The following CSMD3 variants were observed in gnomAD, a reference collection of about 807,000 sequenced individuals.
CSMD3 encodes the protein CUB and sushi domain-containing protein 3.
CSMD3 carries 177 observed loss-of-function variants against 435.2 expected under a neutral mutation model. That is an observed-to-expected ratio of 0.41 (90% CI 0.36 to 0.46). The LOEUF is 0.46. Among genes scored for constraint, CSMD3 ranks in the 20% least tolerant of loss-of-function variants. The pLI is 0.34. For missense variants in CSMD3, 4,265 were observed against 4,504.6 expected, an observed-to-expected ratio of 0.95 and a Z score of 1.52; for synonymous variants, 1,656 against 1,520.5, an observed-to-expected ratio of 1.09 and a Z score of -2.07.
chr8:112,539,430 A>C (rs1348223140), intron 27 of CSMD3: 1 of 152,114 alleles, frequency 6.6e-6, no homozygotes, highest in African/African-American at 2.4e-5. Flanking sequence ...AAATTCCTAT[A>C]GGATCAGAAA....
chr8:112,504,948 A>G (rs1455642135), intron 29 of CSMD3, among the ~76,000 whole-genome samples: 1 of 152,160 alleles, frequency 6.6e-6, no homozygotes, highest in Non-Finnish European at 1.5e-5. Context: ...TCAGTAGAAA[A>G]ACTATTTTGG....
At chr8:112,381,695 A>G (rs922779673) in intron 37 of CSMD3, among the ~76,000 whole-genome samples, 4 of 152,210 alleles carry the variant, frequency 2.6e-5, no homozygotes, top group African/African-American at 9.6e-5. Context: ...GACAGGGATA[A>G]ACAGAAACTT....
At position 113,159,568 on chromosome 8, in the gene CSMD3, G is replaced by A. The variant is rs150233223; in HGVS notation, c.709+14154C>T. Reference sequence around the variant, plus strand: ...CAACTAAGTTTGTCAGGTTATTACCGTGTGACCTCATATATTCTGATAAGC... The same window carrying A: ...CAACTAAGTTTGTCAGGTTATTACCATGTGACCTCATATATTCTGATAAGC... On this transcript the variant is annotated intron_variant, in intron 4 of 70. Transcript: ENST00000297405. Among the ~76,000 whole-genome samples, 891 of 151,906 alleles carry A rather than the reference G, an allele frequency of 5.9e-3. 9 individuals are homozygous for A. The highest frequency in any genetic ancestry group is 0.019 in the African/African-American group (790 of 41,484).
intron 60 of CSMD3, 48 bp downstream of exon 60, chr8:112,265,363 A>G: frequency 7.1e-7 from 1 of 1,404,152 alleles, no homozygotes; most frequent in South Asian, 1.2e-5. Context: ...AAATAAGAAA[A>G]TATGTACTGG....
At chr8:113,264,974 G>C (rs118100628) in intron 3 of CSMD3, among the ~76,000 whole-genome samples, 4,220 of 151,754 alleles carry the variant, frequency 0.028, 85 homozygotes, top group Non-Finnish European at 0.039. Flanking sequence ...TGAGGAATAT[G>C]TTGAAACCAG....
At chr8:112,724,570 ATTAAG>A (rs557784486) in intron 13 of CSMD3, among the ~76,000 whole-genome samples, 44 of 152,232 alleles carry the variant, frequency 2.9e-4, no homozygotes, top group African/African-American at 1.0e-3. Context: ...TAAAAAATCA[ATTAAG>A]TTAAGTATTC....
rs116171803 is a variant in CSMD3, at chr8:112,388,814, G to A, written c.5934+1850C>T. The stretch of plus-strand genomic sequence containing the variant: ...ACATCTCTAACACATAAAAGTAGCT[G>A]AAGCCATGGAATTAGACAAGGTCCC... On this transcript the variant is annotated intron_variant, in intron 36 of 70. Coordinates refer to ENST00000297405, the MANE Select transcript of CSMD3 (RefSeq NM_198123.2). Among the ~76,000 whole-genome samples, 758 of 152,218 alleles carry A rather than the reference G, an allele frequency of 5.0e-3. 7 individuals carry two copies. The highest frequency in any genetic ancestry group is 0.017 in the African/African-American group (716 of 41,538).
chr8:113,314,366 C>A (rs1324230541), intron 2 of CSMD3: 3 of 558,300 alleles, frequency 5.4e-6, no homozygotes, highest in Non-Finnish European at 9.6e-6. Context: ...CTTTGTGAGA[C>A]ATAGTATTAA....
chr8:112,704,207 C>T (rs894729794), intron 13 of CSMD3, among the ~76,000 whole-genome samples: 1 of 151,714 alleles, frequency 6.6e-6, no homozygotes. Context: ...TTTCGAACTC[C>T]TGACCTCAAT....
intron 2 of CSMD3, among the ~76,000 whole-genome samples, chr8:113,301,063 T>C (rs1048515126): frequency 6.7e-6 from 1 of 148,450 alleles, no homozygotes; most frequent in African/African-American, 2.6e-5. Context: ...GGGATGTTCA[T>C]GTATGATTCA....
At chr8:112,321,874 T>A (rs550090822) in intron 45 of CSMD3, among the ~76,000 whole-genome samples, 1 of 152,234 alleles carries the variant, frequency 6.6e-6, no homozygotes. Flanking sequence ...ATCCAGATTT[T>A]TGATAAAATG....
rs1210600945 is a variant in CSMD3, at chr8:112,666,218, A to AT, written c.2816+58dup. On this transcript the variant is annotated intron_variant, in intron 17 of 70. Coordinates refer to ENST00000297405, the MANE Select transcript of CSMD3 (RefSeq NM_198123.2). The stretch of plus-strand genomic sequence containing the variant: ...ATTCATTTGGTAAATGCAAAAGAGA[A>AT]TGTCAACTAATCTTTTAGATAATAT... The AT allele has an allele frequency of 1.1e-5, 14 of 1,281,832 alleles. No homozygotes were observed. In the Admixed American group the frequency reaches 2.3e-4, roughly 21 times the overall value. 79.4% of individuals were successfully genotyped at this position (1,281,832 alleles called of 1,614,324 possible). A position where few individuals can be genotyped will look rare whatever the true frequency, so the allele number is the denominator to read the frequency against.
intron 13 of CSMD3, among the ~76,000 whole-genome samples, chr8:112,734,962 T>C (rs1435660031): frequency 6.6e-6 from 1 of 151,986 alleles, no homozygotes; most frequent in African/African-American, 2.4e-5. Context: ...TTTGTAACAA[T>C]AGAAAGACGT....
At chr8:113,007,819 T>C (rs909342183) in intron 6 of CSMD3, among the ~76,000 whole-genome samples, 6 of 151,968 alleles carry the variant, frequency 3.9e-5, no homozygotes, top group African/African-American at 1.4e-4. Flanking sequence ...ATATTTTTCT[T>C]TTTGCATACA....
chr8:112,843,751 A>G (rs1416131623), intron 11 of CSMD3, among the ~76,000 whole-genome samples: 2 of 152,002 alleles, frequency 1.3e-5, no homozygotes, highest in African/African-American at 4.8e-5. Flanking sequence ...TGCCAACAAG[A>G]TCGATTAACA....
chr8:112,964,216 A>G (rs1168527931), intron 7 of CSMD3, among the ~76,000 whole-genome samples: 1 of 151,974 alleles, frequency 6.6e-6, no homozygotes, highest in African/African-American at 2.4e-5. Context: ...TAAAACTTCA[A>G]TACTATCATC....
At chr8:112,391,224 A>T (rs1830383914) in intron 35 of CSMD3, among the ~76,000 whole-genome samples, 1 of 152,196 alleles carries the variant, frequency 6.6e-6, no homozygotes, top group South Asian at 2.1e-4. Flanking sequence ...CAATTATATT[A>T]TGATCATAAC....
In CSMD3 at chr8:112,418,213, T is replaced by C. The variant is rs911731321; in HGVS notation, c.5396-9181A>G. ...TTACTGTTGGTAACACAAGCTCTTA[T>C]AATGTTTGGCTACTTTTATGTGAAT... On this transcript the variant is annotated intron_variant, in intron 32 of 70. Coordinates refer to ENST00000297405, the MANE Select transcript of CSMD3 (RefSeq NM_198123.2). 4.6e-5 allele frequency among the ~76,000 whole-genome samples: 7 copies of C among 152,302 alleles called. No individual in the cohort carries two copies. The South Asian group carries it at 1.0e-3, about 23-fold the overall frequency.
intron 9 of CSMD3, among the ~76,000 whole-genome samples, chr8:112,924,097 A>C (rs1338677790): frequency 6.6e-6 from 1 of 152,170 alleles, no homozygotes; most frequent in African/African-American, 2.4e-5. Flanking sequence ...ACAACTTTCT[A>C]GGCCATGATA....
Sources: allele counts gnomAD v4.1 joint callset (sites outside exome capture counted in the v4.1 genomes callset), GRCh38; gene constraint gnomAD v4.1.1; transcripts MANE v1.5; gene names NCBI Gene and HGNC (gene_info 2026-07-23, HGNC 2026-07-21).